Variants in PDGFC observed in about 807,000 individuals in gnomAD.
The protein encoded by PDGFC is platelet derived growth factor C, also known as platelet-derived growth factor C.
A neutral mutation model predicts 35.5 loss-of-function variants in PDGFC; 12 were observed. The observed-to-expected ratio is 0.34, with a 90% CI of 0.22 to 0.55. PDGFC has a LOEUF of 0.55. Among genes scored for constraint, PDGFC ranks in the 20% least tolerant of loss-of-function variants. PDGFC has a pLI of 0.91. For synonymous variants in PDGFC, 159 were observed against 148.8 expected (o/e 1.07, Z -0.50); for missense variants, 322 against 412.4 (o/e 0.78, Z 1.90).
intron 3 of PDGFC, among the ~76,000 whole-genome samples, chr4:156,801,673 C>G (rs1731616557): frequency 6.6e-6 from 1 of 152,110 alleles, no homozygotes; most frequent in Non-Finnish European, 1.5e-5. Flanking sequence ...TAAAGTCAAT[C>G]TTTAATATGC....
chr4:156,928,499 A>C (rs753593539), intron 1 of PDGFC, among the ~76,000 whole-genome samples: 9 of 152,202 alleles, frequency 5.9e-5, no homozygotes, highest in Admixed American at 1.3e-4. Flanking sequence ...CACAGGTGAA[A>C]CACAGGCTCA....
At chr4:156,815,781 A>G (rs1355703306) in intron 2 of PDGFC, among the ~76,000 whole-genome samples, 2 of 152,164 alleles carry the variant, frequency 1.3e-5, no homozygotes, top group Admixed American at 6.5e-5. Context: ...TTAATTTCCA[A>G]TGTGCACAAT....
At chr4:156,875,588 T>C (rs765386952) in intron 1 of PDGFC, among the ~76,000 whole-genome samples, 2 of 152,168 alleles carry the variant, frequency 1.3e-5, no homozygotes, top group African/African-American at 4.8e-5. Context: ...AAGGTAATTT[T>C]GTCCCGACAT....
At chr4:156,774,240 C>T (rs983473) in intron 3 of PDGFC, 46,673 of 152,002 alleles carry the variant, frequency 0.31, 8,206 homozygotes, top group South Asian at 0.55. Flanking sequence ...TATTTTGTTC[C>T]AATCAGTCTA....
At chr4:156,870,885 A>G (rs1391280797) in intron 1 of PDGFC, among the ~76,000 whole-genome samples, 1 of 152,170 alleles carries the variant, frequency 6.6e-6, no homozygotes. Context: ...TATTCTCTGT[A>G]AAGCGATTGG....
chr4:156,874,843 A>C (rs1206328788), intron 1 of PDGFC, among the ~76,000 whole-genome samples: 1 of 151,668 alleles, frequency 6.6e-6, no homozygotes. Context: ...CAGCCTCTTG[A>C]GTAGCTAGGA....
At chr4:156,899,776 T>C (rs527535770) in intron 1 of PDGFC, among the ~76,000 whole-genome samples, 33 of 152,248 alleles carry the variant, frequency 2.2e-4, no homozygotes, top group Middle Eastern at 3.4e-3. Context: ...GATTGTGCCA[T>C]TGCACTCCAG....
intron 2 of PDGFC, among the ~76,000 whole-genome samples, chr4:156,831,738 G>A (rs992633669): frequency 9.9e-5 from 15 of 151,530 alleles, no homozygotes; most frequent in Admixed American, 2.0e-4. Context: ...TACCACACCC[G>A]GCCAACCCTG....
chr4:156,893,238 A>G (rs1730555252), intron 1 of PDGFC, among the ~76,000 whole-genome samples: 1 of 152,212 alleles, frequency 6.6e-6, no homozygotes, highest in Admixed American at 6.5e-5. Context: ...TATTCTCTTT[A>G]TTACATTAAG....
chr4:156,785,996 T>C (rs2110863462), intron 3 of PDGFC, among the ~76,000 whole-genome samples: 1 of 152,318 alleles, frequency 6.6e-6, no homozygotes, highest in East Asian at 1.9e-4. Flanking sequence ...TTTATTTCCC[T>C]AAAACTTTCA....
At chr4:156,904,599 C>T (rs1228991218) in intron 1 of PDGFC, among the ~76,000 whole-genome samples, 1 of 151,956 alleles carries the variant, frequency 6.6e-6, no homozygotes, top group Non-Finnish European at 1.5e-5. Flanking sequence ...TTAGTAGATA[C>T]AAAGACATAT....
chr4:156,815,165 A>C (rs1340116399), intron 2 of PDGFC, among the ~76,000 whole-genome samples: 1 of 152,188 alleles, frequency 6.6e-6, no homozygotes, highest in Non-Finnish European at 1.5e-5. Context: ...TAATAGTTTC[A>C]TAATAAATTA....
At chr4:156,848,109 C>G (rs1358908707) in intron 2 of PDGFC, among the ~76,000 whole-genome samples, 1 of 151,276 alleles carries the variant, frequency 6.6e-6, no homozygotes, top group South Asian at 2.1e-4. Context: ...ACAAAAGGAG[C>G]AAAAGACATA....
intron 1 of PDGFC, among the ~76,000 whole-genome samples, chr4:156,898,955 C>A (rs1730699751): frequency 6.6e-6 from 1 of 152,182 alleles, no homozygotes; most frequent in South Asian, 2.1e-4. Flanking sequence ...CTGAGCCCAG[C>A]CCCATTCTTC....
Position 156,767,996 on chromosome 4 carries a change from T to A in PDGFC, c.704-6A>T, listed in dbSNP as rs2110798710. The A allele has an allele frequency of 6.4e-7, 1 of 1,563,104 alleles. No individual in the cohort carries two copies. Among genetic ancestry groups the A allele is most frequent in the African/African-American group, 1.4e-5 (1 of 73,948 alleles). On this transcript the variant is annotated splice_polypyrimidine_tract_variant and splice_region_variant and intron_variant, in intron 4 of 5. Transcript: ENST00000502773. Reference sequence around the variant, plus strand: ...TAGAAGGTTCAGATCCACCACTATATGGTATAAAAGAAAGCAAAGAAAAAT... The same window carrying A: ...TAGAAGGTTCAGATCCACCACTATAAGGTATAAAAGAAAGCAAAGAAAAAT...
intron 3 of PDGFC, among the ~76,000 whole-genome samples, chr4:156,784,466 G>A (rs764657079): frequency 6.6e-6 from 1 of 152,160 alleles, no homozygotes; most frequent in East Asian, 1.9e-4. Flanking sequence ...GTGGTGTTCT[G>A]TGACCTTAGG....
intron 1 of PDGFC, among the ~76,000 whole-genome samples, chr4:156,906,005 C>T (rs560395555): frequency 5.8e-4 from 89 of 152,194 alleles, no homozygotes; most frequent in African/African-American, 1.9e-3. Context: ...GATGCTTCAT[C>T]AGATACTTGT....
In PDGFC at chr4:156,763,024, C is replaced by CGTTCTCTAA; in HGVS notation, c.*57_*65dup. On this transcript the variant is annotated 3_prime_UTR_variant, in exon 6 of 6. Coordinates refer to ENST00000502773, the MANE Select transcript of PDGFC (RefSeq NM_016205.3). ...AGATTAAGGATGGAGATAACGCATACGTTCTCTAATAGAATCAGCCACTGC... is the reference window on the plus strand; with the variant it reads ...AGATTAAGGATGGAGATAACGCATACGTTCTCTAAGTTCTCTAATAGAATCAGCCACTGC... 1 of 813,162 alleles carries CGTTCTCTAA rather than the reference C, an allele frequency of 1.2e-6. No homozygotes were observed. Among genetic ancestry groups the CGTTCTCTAA allele is most frequent in the East Asian group, 2.4e-5 (1 of 40,836 alleles). 50.4% of individuals were successfully genotyped at this position (813,162 alleles called of 1,614,324 possible).
At chr4:156,880,433 A>T (rs1033984804) in intron 1 of PDGFC, among the ~76,000 whole-genome samples, 1 of 152,100 alleles carries the variant, frequency 6.6e-6, no homozygotes, top group Non-Finnish European at 1.5e-5. Context: ...TAAACCCACT[A>T]CTCAGAAAGA....
Sources: gnomAD v4.1 joint callset for allele counts (sites outside exome capture counted in the v4.1 genomes callset) on GRCh38, gnomAD v4.1.1 for gene constraint, MANE v1.5 for transcripts, NCBI Gene and HGNC (gene_info 2026-07-23, HGNC 2026-07-21) for gene names.